The following UGGT2 variants were observed in gnomAD, a reference collection of about 807,000 sequenced individuals.
UGGT2 encodes the protein UDP-glucose:glycoprotein glucosyltransferase 2.
A neutral mutation model predicts 192.1 loss-of-function variants in UGGT2; 180 were observed. The observed-to-expected ratio is 0.94, with a 90% CI of 0.83 to 1.06. The LOEUF (loss-of-function observed/expected upper bound fraction) is 1.06, where lower values mean the gene tolerates loss of function less well. Among genes scored for constraint, UGGT2 ranks in the 50% least tolerant of loss-of-function variants. The pLI is 0.00. For missense variants in UGGT2, 1,849 were observed against 1,795.7 expected (o/e 1.03, Z -0.54); for synonymous variants, 580 against 591.0 (o/e 0.98, Z 0.27).
In UGGT2 at chr13:96,013,437, T is replaced by C. The variant is rs1293830177; in HGVS notation, c.530A>G (p.Asn177Ser). The stretch of plus-strand genomic sequence containing the variant: ...AATCACCACTGGTAAGTTCTCTTTG[T>C]TTGTAGGAAATTTGTGATCTCCTTT... ...LFKGDHKFPT[N>S]KENLPVVILY... Residue 177 changes from asparagine to serine, a missense_variant, in exon 5 of 39, where the codon AAC becomes AGC. Physicochemically the swap from Asn to Ser is conservative, Grantham distance 46. Coordinates refer to ENST00000376747, the MANE Select transcript of UGGT2 (RefSeq NM_020121.4). 15 of 1,601,858 alleles carry C rather than the reference T, an allele frequency of 9.4e-6. No homozygotes were observed. In the African/African-American group the frequency reaches 1.9e-4, roughly 20 times the overall value.
rs1271197911 is a variant in UGGT2, at chr13:96,013,349, A to G, written c.618T>C (p.Ala206=). ...GAACATACAGAATTTCCTCATTTTG[A>G]GCTTTTTCAGACAATACTTTGTGAA... is the stretch of plus-strand genomic sequence containing the variant. ...SAFHKVLSEK[A]QNEEILYVLR... is the part of the protein sequence containing the mutation. Residue 206 remains alanine (A), a synonymous_variant, in exon 5 of 39, where the codon GCT becomes GCC. Coordinates refer to ENST00000376747, the MANE Select transcript of UGGT2 (RefSeq NM_020121.4). 11 of 1,606,344 alleles carry G rather than the reference A, an allele frequency of 6.8e-6. No homozygotes were observed. The highest frequency in any genetic ancestry group is 9.3e-6 in the Non-Finnish European group (11 of 1,178,268).
chr13:96,041,757 C>A (rs1427242644), intron 1 of UGGT2, among the ~76,000 whole-genome samples: 2 of 152,138 alleles, frequency 1.3e-5, no homozygotes, highest in African/African-American at 4.8e-5. Flanking sequence ...GGCTTTCCCC[C>A]ACTTCCCTGA....
In UGGT2 at chr13:95,985,312, G is replaced by A. The variant is rs1399577804; in HGVS notation, c.1031+1021C>T. 6.2e-6 allele frequency: 8 copies of A among 1,287,200 alleles called. No homozygotes were observed. In the African/African-American group the frequency reaches 9.1e-5, roughly 15 times the overall value. The allele number at this position is 1,287,200 out of a possible 1,614,324, so 79.7% of individuals were successfully genotyped here. The stretch of plus-strand genomic sequence containing the variant: ...TTGACATTTAAAGTTGACTGAAAGA[G>A]GCATATCAATATATTCATTCTTAAT... On this transcript the variant is annotated intron_variant, in intron 9 of 38. Coordinates refer to ENST00000376747, the MANE Select transcript of UGGT2 (RefSeq NM_020121.4).
intron 12 of UGGT2, among the ~76,000 whole-genome samples, chr13:95,958,721 G>A (rs1262142737): frequency 1.3e-5 from 2 of 151,960 alleles, no homozygotes. Context: ...GTCGTCTAAG[G>A]GAGCACACTG....
intron 36 of UGGT2, among the ~76,000 whole-genome samples, chr13:95,850,084 T>A (rs1594143482): frequency 6.6e-6 from 1 of 152,130 alleles, no homozygotes; most frequent in African/African-American, 2.4e-5. Flanking sequence ...TTTTTTCCCC[T>A]AGTTTCTAGG....
chr13:95,904,172 G>C (rs1198362352), intron 20 of UGGT2, among the ~76,000 whole-genome samples: 1 of 151,872 alleles, frequency 6.6e-6, no homozygotes, highest in African/African-American at 2.4e-5. Context: ...TGTTATAATG[G>C]GAAGCAGTCC....
At chr13:96,046,710 C>T (rs1017242049) in intron 1 of UGGT2, among the ~76,000 whole-genome samples, 33 of 152,210 alleles carry the variant, frequency 2.2e-4, no homozygotes, top group Non-Finnish European at 4.4e-4. Flanking sequence ...GGGGAATTCC[C>T]TTTCCTAGCC....
chr13:96,043,694 C>T (rs1337353024), intron 1 of UGGT2, among the ~76,000 whole-genome samples: 1 of 151,872 alleles, frequency 6.6e-6, no homozygotes, highest in Non-Finnish European at 1.5e-5. Context: ...AAATGGACAC[C>T]AAAAGCGAGC....
intron 31 of UGGT2, 48 bp downstream of exon 31, chr13:95,863,581 A>G (rs1166696755): frequency 6.8e-7 from 1 of 1,473,496 alleles, no homozygotes; most frequent in South Asian, 1.1e-5. Flanking sequence ...CACATACTAG[A>G]CTTCTGGATC....
At chr13:96,004,130 CTATCCCCAG>C (rs1313429136) in intron 5 of UGGT2, among the ~76,000 whole-genome samples, 1 of 151,254 alleles carries the variant, frequency 6.6e-6, no homozygotes, top group East Asian at 1.9e-4. Context: ...AGCAGCAAAG[CTATCCCCAG>C]GTAAGCAGCA....
At chr13:95,834,425 C>T (rs1249531279) in intron 37 of UGGT2, among the ~76,000 whole-genome samples, 1 of 151,908 alleles carries the variant, frequency 6.6e-6, no homozygotes, top group Non-Finnish European at 1.5e-5. Context: ...ACAGGAAAAC[C>T]CCTGTAACAA....
At chr13:95,856,693 A>T (rs958947862) in intron 33 of UGGT2, 1 of 418,078 alleles carries the variant, frequency 2.4e-6, no homozygotes, top group Non-Finnish European at 4.6e-6. Flanking sequence ...GAACACCTAC[A>T]TATCAAATAG....
At chr13:95,896,480 T>TA (rs1415631046) in intron 22 of UGGT2, among the ~76,000 whole-genome samples, 2 of 152,164 alleles carry the variant, frequency 1.3e-5, no homozygotes, top group African/African-American at 4.8e-5. Flanking sequence ...CATTCAATGT[T>TA]ACATTTCTGA....
At position 95,895,229 on chromosome 13, in the gene UGGT2, C is replaced by G; in HGVS notation, c.2710G>C (p.Gly904Arg). 1 of 1,578,066 alleles carries G rather than the reference C, an allele frequency of 6.3e-7. No homozygotes were observed. The highest frequency in any genetic ancestry group is 1.4e-5 in the African/African-American group (1 of 73,312). Residue 904 changes from glycine (G) to arginine (R), a missense_variant, in exon 23 of 39, where the codon GGA becomes CGA. Transcript: ENST00000376747. ...LLEKITFSNLGEKIKGIVENM... is the reference protein window; with the variant it reads ...LLEKITFSNLREKIKGIVENM... ...TCAACAATGCCTTTAATTTTCTCTC[C>G]TAAATTACTAAATGTTATCTTTTCC...
chr13:96,021,829 G>C (rs368033166), intron 4 of UGGT2, among the ~76,000 whole-genome samples: 9 of 152,230 alleles, frequency 5.9e-5, no homozygotes, highest in South Asian at 2.1e-4. Context: ...TGTGAACAGA[G>C]AAACATGCCA....
At chr13:95,815,073 T>C (rs1275565563) in intron 38 of UGGT2, among the ~76,000 whole-genome samples, 1 of 152,156 alleles carries the variant, frequency 6.6e-6, no homozygotes, top group Non-Finnish European at 1.5e-5. Flanking sequence ...AGGAAACTTT[T>C]ACAGCCTGAT....
chr13:95,899,724 G>C (rs1378941716), intron 22 of UGGT2, among the ~76,000 whole-genome samples: 1 of 152,004 alleles, frequency 6.6e-6, no homozygotes, highest in African/African-American at 2.4e-5. Flanking sequence ...GTTTTTAAAA[G>C]CTGTATTTCC....
chr13:96,024,608 G>A (rs2052610294), intron 2 of UGGT2, among the ~76,000 whole-genome samples: 1 of 152,186 alleles, frequency 6.6e-6, no homozygotes, highest in Non-Finnish European at 1.5e-5. Flanking sequence ...GTAATAACAG[G>A]GCAGCTCTGG....
At chr13:96,039,743 C>G (rs2053112630) in intron 1 of UGGT2, among the ~76,000 whole-genome samples, 1 of 152,146 alleles carries the variant, frequency 6.6e-6, no homozygotes, top group South Asian at 2.1e-4. Flanking sequence ...AGCTCATATC[C>G]AAGTTCACCA....
Sources: gnomAD v4.1 joint callset for allele counts (sites outside exome capture counted in the v4.1 genomes callset) on GRCh38, gnomAD v4.1.1 for gene constraint, MANE v1.5 for transcripts, NCBI Gene and HGNC (gene_info 2026-07-23, HGNC 2026-07-21) for gene names.